Variants in TAFA1 observed in about 807,000 individuals in gnomAD.
TAFA1 encodes TAFA chemokine like family member 1.
TAFA1 carries 4 observed loss-of-function variants against 18.5 expected under a neutral mutation model. That is an observed-to-expected ratio of 0.22 (90% CI 0.11 to 0.49). The LOEUF (loss-of-function observed/expected upper bound fraction) is 0.49, where lower values mean the gene tolerates loss of function less well. Among genes scored for constraint, TAFA1 ranks in the 20% least tolerant of loss-of-function variants. The probability of loss-of-function intolerance (pLI) is 0.98; values close to 1 mark genes in which losing one functional copy is unlikely to be tolerated. For synonymous variants in TAFA1, 56 were observed against 55.2 expected (o/e 1.01, Z -0.06); for missense variants, 147 against 169.0 (o/e 0.87, Z 0.72).
chr3:68,405,287 C>A (rs1375471241), intron 2 of TAFA1, among the ~76,000 whole-genome samples: 1 of 151,832 alleles, frequency 6.6e-6, no homozygotes, highest in Non-Finnish European at 1.5e-5. Context: ...AGTATGTATT[C>A]CTGCTTGTAT....
At chr3:68,502,549 A>G (rs1339049178) in intron 3 of TAFA1, among the ~76,000 whole-genome samples, 1 of 152,156 alleles carries the variant, frequency 6.6e-6, no homozygotes, top group Non-Finnish European at 1.5e-5. Flanking sequence ...ATAATCACAG[A>G]CAATAGACAC....
chr3:68,163,541 C>A (rs994569861), intron 2 of TAFA1, among the ~76,000 whole-genome samples: 4 of 152,188 alleles, frequency 2.6e-5, no homozygotes, highest in African/African-American at 9.7e-5. Flanking sequence ...AAACGACGGT[C>A]AGATATGTTT....
At chr3:68,287,251 G>A (rs2068026026) in intron 2 of TAFA1, among the ~76,000 whole-genome samples, 1 of 152,168 alleles carries the variant, frequency 6.6e-6, no homozygotes, top group Non-Finnish European at 1.5e-5. Context: ...GAATATAGCA[G>A]CCCAAATGTG....
intron 2 of TAFA1, among the ~76,000 whole-genome samples, chr3:68,325,942 A>C (rs902607510): frequency 1.3e-5 from 2 of 152,154 alleles, no homozygotes; most frequent in Admixed American, 6.6e-5. Context: ...ATTCACAATC[A>C]CTGCTTTGTG....
intron 2 of TAFA1, among the ~76,000 whole-genome samples, chr3:68,412,167 G>A (rs1281271318): frequency 6.6e-6 from 1 of 152,220 alleles, no homozygotes; most frequent in East Asian, 1.9e-4. Context: ...AGTCTTTGAT[G>A]AAAATGGAGC....
chr3:68,280,886 G>C (rs1320227183), intron 2 of TAFA1, among the ~76,000 whole-genome samples: 1 of 151,954 alleles, frequency 6.6e-6, no homozygotes, highest in Non-Finnish European at 1.5e-5. Context: ...TGTGTTCTTA[G>C]GCAATTAGTC....
chr3:68,194,710 T>C (rs1262678346), intron 2 of TAFA1, among the ~76,000 whole-genome samples: 5 of 151,706 alleles, frequency 3.3e-5, no homozygotes, highest in South Asian at 2.1e-4. Context: ...ATGGCAGCCA[T>C]AGCAAACTAA....
intron 2 of TAFA1, among the ~76,000 whole-genome samples, chr3:68,415,820 C>T (rs2070824324): frequency 6.6e-6 from 1 of 152,068 alleles, no homozygotes. Flanking sequence ...CAGTAAATGA[C>T]AGAGCCGAGA....
intron 2 of TAFA1, among the ~76,000 whole-genome samples, chr3:68,133,593 A>G (rs1340625058): frequency 6.6e-6 from 1 of 151,866 alleles, no homozygotes; most frequent in East Asian, 1.9e-4. Context: ...ATCCCTTGTA[A>G]GTTGGATTCC....
At chr3:68,530,724 T>C (rs939520151) in intron 3 of TAFA1, among the ~76,000 whole-genome samples, 2 of 152,128 alleles carry the variant, frequency 1.3e-5, no homozygotes, top group African/African-American at 4.8e-5. Context: ...GAATTTCTAT[T>C]AAAATGCTGT....
At chr3:68,499,446 C>CTTTTTTTT (rs752597708) in intron 3 of TAFA1, among the ~76,000 whole-genome samples, 92 of 112,048 alleles carry the variant, frequency 8.2e-4, no homozygotes, top group East Asian at 3.5e-3. Context: ...GTGTTCCTTT[C>CTTTTTTTT]TTTTTTTTTT....
chr3:68,342,433 T>C (rs975908970), intron 2 of TAFA1, among the ~76,000 whole-genome samples: 6 of 152,214 alleles, frequency 3.9e-5, no homozygotes, highest in Admixed American at 2.0e-4. Context: ...TGCAGCAAGA[T>C]GGAGTCAGTT....
intron 2 of TAFA1, among the ~76,000 whole-genome samples, chr3:68,207,092 A>G (rs1326819226): frequency 6.6e-6 from 1 of 151,956 alleles, no homozygotes; most frequent in Non-Finnish European, 1.5e-5. Flanking sequence ...CCTGGTAAGG[A>G]CTACCCTGAA....
At chr3:68,038,283 A>G (rs748070224) in intron 2 of TAFA1, among the ~76,000 whole-genome samples, 1 of 152,214 alleles carries the variant, frequency 6.6e-6, no homozygotes, top group Non-Finnish European at 1.5e-5. Flanking sequence ...AAAGTTGGAA[A>G]AATTGAGACA....
chr3:68,348,552 TACA>T (rs2069206974), intron 2 of TAFA1, among the ~76,000 whole-genome samples: 1 of 152,178 alleles, frequency 6.6e-6, no homozygotes, highest in African/African-American at 2.4e-5. Flanking sequence ...TTCCTGTAGA[TACA>T]TTTCAGATGT....
intron 2 of TAFA1, among the ~76,000 whole-genome samples, chr3:68,349,579 A>T (rs1388502): frequency 0.49 from 74,896 of 151,858 alleles, 18,961 homozygotes; most frequent in East Asian, 0.72. Flanking sequence ...AAAAAAAGTC[A>T]AGATAAGCAG....
chr3:68,371,397 C>T (rs2069704012), intron 2 of TAFA1, among the ~76,000 whole-genome samples: 1 of 151,994 alleles, frequency 6.6e-6, no homozygotes, highest in African/African-American at 2.4e-5. Flanking sequence ...CCCCAACGGG[C>T]CCCAGTGTGT....
chr3:68,378,902 G>A (rs1009195928), intron 2 of TAFA1, among the ~76,000 whole-genome samples: 7 of 152,038 alleles, frequency 4.6e-5, no homozygotes, highest in Admixed American at 6.6e-5. Flanking sequence ...CTTCTGCCAC[G>A]TTTCTAAGTT....
chr3:68,019,276 A>G (rs1015687778), intron 2 of TAFA1, among the ~76,000 whole-genome samples: 1 of 152,166 alleles, frequency 6.6e-6, no homozygotes, highest in African/African-American at 2.4e-5. Context: ...GGCTGAAAGC[A>G]TGGTTTTTTT....
Sources: allele counts gnomAD v4.1 joint callset (sites outside exome capture counted in the v4.1 genomes callset), GRCh38; gene constraint gnomAD v4.1.1; transcripts MANE v1.5; gene names NCBI Gene and HGNC (gene_info 2026-07-23, HGNC 2026-07-21).